The following SLAIN1 variants were observed in gnomAD, a reference collection of about 807,000 sequenced individuals.
SLAIN1 encodes SLAIN motif-containing protein 1.
In SLAIN1, 17 loss-of-function variants were observed where a neutral mutation model predicts 55.4. The ratio of observed to expected loss-of-function variants is 0.31; its 90% confidence interval spans 0.21 to 0.46. The LOEUF (loss-of-function observed/expected upper bound fraction) is 0.46, where lower values mean the gene tolerates loss of function less well. Ranked by LOEUF, SLAIN1 falls within the 20% of genes least tolerant of loss-of-function variation. The probability of loss-of-function intolerance (pLI) is 1.00; values close to 1 mark genes in which losing one functional copy is unlikely to be tolerated. For missense variants in SLAIN1, 682 were observed against 785.1 expected (o/e 0.87, Z 1.57); for synonymous variants, 348 against 337.4 (o/e 1.03, Z -0.35).
At chr13:77,721,499 A>G (rs2091261951) in intron 2 of SLAIN1, among the ~76,000 whole-genome samples, 1 of 152,150 alleles carries the variant, frequency 6.6e-6, no homozygotes, top group South Asian at 2.1e-4. Flanking sequence ...TCAGTGACTT[A>G]TATCTACATT....
chr13:77,734,923 G>A (rs1364274283), intron 2 of SLAIN1, among the ~76,000 whole-genome samples: 1 of 152,080 alleles, frequency 6.6e-6, no homozygotes, highest in Non-Finnish European at 1.5e-5. Context: ...AGGAGGCTGA[G>A]ACAGGAGAAT....
chr13:77,741,998 A>T (rs892630618), intron 2 of SLAIN1, among the ~76,000 whole-genome samples: 5 of 152,066 alleles, frequency 3.3e-5, no homozygotes, highest in Admixed American at 6.6e-5. Context: ...CTTTTCAGAA[A>T]AGTGAATTTT....
At chr13:77,702,364 A>G (rs1264696627) in intron 1 of SLAIN1, among the ~76,000 whole-genome samples, 1 of 152,154 alleles carries the variant, frequency 6.6e-6, no homozygotes, top group Non-Finnish European at 1.5e-5. Flanking sequence ...GAGCAAATAA[A>G]AAGCTCAAAG....
At chr13:77,709,017 A>G (rs144613049) in intron 1 of SLAIN1, among the ~76,000 whole-genome samples, 187 of 152,154 alleles carry the variant, frequency 1.2e-3, no homozygotes, top group African/African-American at 4.2e-3. Flanking sequence ...AGAACTTTGA[A>G]AAAAGGTTGG....
At chr13:77,710,389 C>A (rs552997514) in intron 1 of SLAIN1, among the ~76,000 whole-genome samples, 2 of 151,838 alleles carry the variant, frequency 1.3e-5, no homozygotes, top group Admixed American at 1.3e-4. Flanking sequence ...GGAATATTTA[C>A]CAAGCAAATG....
At chr13:77,718,389 G>C (rs1389550126) in intron 1 of SLAIN1, among the ~76,000 whole-genome samples, 1 of 152,132 alleles carries the variant, frequency 6.6e-6, no homozygotes, top group East Asian at 1.9e-4. Context: ...GAATGGCAGG[G>C]CTGAGTAGTT....
At chr13:77,721,773 T>C (rs573200320) in intron 2 of SLAIN1, among the ~76,000 whole-genome samples, 9 of 151,744 alleles carry the variant, frequency 5.9e-5, no homozygotes, top group Admixed American at 3.9e-4. Context: ...TTGTGTGGTT[T>C]TTCACGTGTC....
chr13:77,739,340 A>T (rs936117799), intron 2 of SLAIN1, among the ~76,000 whole-genome samples: 2 of 152,088 alleles, frequency 1.3e-5, no homozygotes, highest in African/African-American at 2.4e-5. Flanking sequence ...AGGAAATATT[A>T]GTCAACTTGC....
rs796253176 is a variant in SLAIN1, at chr13:77,746,800, G to T, written c.1203G>T (p.Gln401His). The change falls in exon 4 of 7, where the codon CAG (glutamine) becomes CAT (histidine). Residue 401 changes from glutamine to histidine, a missense_variant. Physicochemically the swap from Gln to His is conservative, Grantham distance 24. Around this residue, in one of 3 missense-constraint regions of SLAIN1, gnomAD observed 244 missense variants for 295.2 expected, o/e 0.83. Coordinates refer to ENST00000418532, the MANE Select transcript of SLAIN1 (RefSeq NM_001242868.2). Reference sequence around the variant, plus strand: ...CTTCAAATAATTACCAGCAGCAACAGTATTATTCACCTCAAGCCCAAACTC... The same window carrying T: ...CTTCAAATAATTACCAGCAGCAACATTATTATTCACCTCAAGCCCAAACTC... Reference protein sequence around the residue: ...YFPSNNYQQQQYYSPQAQTPD... With the variant: ...YFPSNNYQQQHYYSPQAQTPD... 5.6e-6 allele frequency: 9 copies of T among 1,613,672 alleles called. No individual in the cohort carries two copies. The highest frequency in any genetic ancestry group is 1.1e-5 in the South Asian group (1 of 91,068).
Position 77,753,247 on chromosome 13 carries a change from A to C in SLAIN1, c.1303A>C (p.Thr435Pro). 1 of 1,612,980 alleles carries C rather than the reference A, an allele frequency of 6.2e-7. No homozygotes were observed. ...GCCTAACCTAGCCCGGATGCCAAGT[A>C]CAACTGCCATTAGTAGCAACATTAG... ...SMPNLARMPS[T>P]TAISSNISSP... The change falls in exon 5 of 7, where the codon ACA becomes CCA. Residue 435 changes from threonine (T) to proline (P), a missense_variant. Physicochemically the swap from Thr to Pro is conservative, Grantham distance 38 (BLOSUM62 -1). Transcript: ENST00000418532.
intron 3 of SLAIN1, among the ~76,000 whole-genome samples, chr13:77,745,952 A>G (rs990304778): frequency 6.6e-6 from 1 of 152,114 alleles, no homozygotes; most frequent in Non-Finnish European, 1.5e-5. Flanking sequence ...GGATGACCTA[A>G]AACTATTAGA....
At chr13:77,727,610 C>T (rs561687508) in intron 2 of SLAIN1, among the ~76,000 whole-genome samples, 1 of 152,064 alleles carries the variant, frequency 6.6e-6, no homozygotes, top group Non-Finnish European at 1.5e-5. Context: ...TTGCTGTGAC[C>T]CTTTCTGTGC....
At chr13:77,720,874 A>T (rs1321945482) in intron 2 of SLAIN1, among the ~76,000 whole-genome samples, 1 of 152,212 alleles carries the variant, frequency 6.6e-6, no homozygotes, top group East Asian at 1.9e-4. Context: ...ATTTTAACTG[A>T]AATGAAACAG....
intron 2 of SLAIN1, among the ~76,000 whole-genome samples, chr13:77,742,260 G>T (rs1184951677): frequency 2.6e-5 from 4 of 151,900 alleles, no homozygotes; most frequent in Admixed American, 6.6e-5. Flanking sequence ...TAATATTAAA[G>T]TAATAACATG....
chr13:77,742,261 T>A (rs1417165888), intron 2 of SLAIN1, among the ~76,000 whole-genome samples: 1 of 152,044 alleles, frequency 6.6e-6, no homozygotes, highest in Non-Finnish European at 1.5e-5. Flanking sequence ...AATATTAAAG[T>A]AATAACATGT....
intron 1 of SLAIN1, among the ~76,000 whole-genome samples, chr13:77,703,646 C>T (rs995401575): frequency 6.6e-6 from 1 of 151,826 alleles, no homozygotes; most frequent in Non-Finnish European, 1.5e-5. Context: ...AACGCTTGAA[C>T]TTCATGTATC....
intron 1 of SLAIN1, among the ~76,000 whole-genome samples, chr13:77,708,838 A>C (rs1000431779): frequency 1.3e-5 from 2 of 152,090 alleles, no homozygotes; most frequent in Non-Finnish European, 2.9e-5. Context: ...AAATTCCAAA[A>C]ACCAGAATGC....
chr13:77,707,884 A>G (rs987734264), intron 1 of SLAIN1, among the ~76,000 whole-genome samples: 1 of 152,186 alleles, frequency 6.6e-6, no homozygotes, highest in African/African-American at 2.4e-5. Flanking sequence ...TTCACATAGC[A>G]AAGTCTCTGA....
At chr13:77,750,414 A>G (rs186399509) in intron 4 of SLAIN1, among the ~76,000 whole-genome samples, 78 of 152,264 alleles carry the variant, frequency 5.1e-4, no homozygotes, top group African/African-American at 1.8e-3. Flanking sequence ...GGAAATATGT[A>G]TAGTGAAAAT....
Sources: gnomAD v4.1 joint callset for allele counts (sites outside exome capture counted in the v4.1 genomes callset) on GRCh38, gnomAD v4.1.1 for gene constraint, gnomAD v4.1.1 regional missense constraint, MANE v1.5 for transcripts, NCBI Gene and HGNC (gene_info 2026-07-23, HGNC 2026-07-21) for gene names.